UBAP1: variants seen among roughly 807,000 people sequenced by gnomAD.
UBAP1 encodes ubiquitin associated protein 1, also known as ubiquitin-associated protein 1.
UBAP1 carries 5 observed loss-of-function variants against 39.0 expected under a neutral mutation model. That is an observed-to-expected ratio of 0.13 (90% CI 0.07 to 0.27). UBAP1 has a LOEUF of 0.27. Among genes scored for constraint, UBAP1 ranks in the 10% least tolerant of loss-of-function variants. The probability of loss-of-function intolerance (pLI) is 1.00; values close to 1 mark genes in which losing one functional copy is unlikely to be tolerated. For synonymous variants in UBAP1, 211 were observed against 225.1 expected (o/e 0.94, Z 0.56); for missense variants, 490 against 608.1 (o/e 0.81, Z 2.04).
At chr9:34,201,062 C>T (rs1007329732) in intron 1 of UBAP1, among the ~76,000 whole-genome samples, 5 of 151,954 alleles carry the variant, frequency 3.3e-5, no homozygotes, top group South Asian at 2.1e-4. Context: ...TACAGGCATG[C>T]GCCACCATGC....
chr9:34,188,728 G>A (rs978256628), intron 1 of UBAP1, among the ~76,000 whole-genome samples: 8 of 152,034 alleles, frequency 5.3e-5, no homozygotes, highest in East Asian at 1.9e-4. Context: ...AGGCTGAGGC[G>A]TGTGGATCAC....
intron 4 of UBAP1, among the ~76,000 whole-genome samples, chr9:34,246,454 AAATTCTAATGGACTTC>A (rs1244776581): frequency 4.6e-5 from 7 of 152,224 alleles, no homozygotes; most frequent in Non-Finnish European, 1.0e-4. Context: ...CTCCCTTTGA[AAATTCTAATGGACTTC>A]AATTTATTCC....
chr9:34,231,070 T>G (rs2131601270), intron 2 of UBAP1, among the ~76,000 whole-genome samples: 1 of 150,290 alleles, frequency 6.7e-6, no homozygotes, highest in South Asian at 2.1e-4. Flanking sequence ...AAGGATGCAG[T>G]GAGCCATGAT....
chr9:34,198,636 T>G (rs907647096), intron 1 of UBAP1, among the ~76,000 whole-genome samples: 4 of 152,164 alleles, frequency 2.6e-5, no homozygotes, highest in Admixed American at 2.0e-4. Context: ...ATTGTCATGA[T>G]TTGCATACTG....
intron 1 of UBAP1, among the ~76,000 whole-genome samples, chr9:34,199,897 C>T (rs1275820126): frequency 2.0e-5 from 3 of 150,870 alleles, no homozygotes; most frequent in South Asian, 2.1e-4. Context: ...CCTTCTGCCT[C>T]GGCCTTGCAA....
chr9:34,189,655 A>T (rs1349282060), intron 1 of UBAP1, among the ~76,000 whole-genome samples: 1 of 152,000 alleles, frequency 6.6e-6, no homozygotes, highest in Non-Finnish European at 1.5e-5. Flanking sequence ...TTATTTTTTG[A>T]GACGGAGTTT....
At chr9:34,226,218 AC>A (rs1320440132) in intron 2 of UBAP1, among the ~76,000 whole-genome samples, 1 of 127,626 alleles carries the variant, frequency 7.8e-6, no homozygotes, top group African/African-American at 3.0e-5. Flanking sequence ...ACATAGAAAA[AC>A]CCCGTTTCTT....
intron 1 of UBAP1, among the ~76,000 whole-genome samples, chr9:34,179,578 G>C (rs1265131986): frequency 6.6e-6 from 1 of 152,078 alleles, no homozygotes; most frequent in Admixed American, 6.6e-5. Context: ...TGTCAGGGAG[G>C]GGGACCCAGA....
intron 2 of UBAP1, chr9:34,224,144 G>T: frequency 4.2e-6 from 3 of 722,030 alleles, no homozygotes; most frequent in Non-Finnish European, 6.5e-6. Flanking sequence ...GCTGATTTTG[G>T]CCTTTTTTTT....
intron 1 of UBAP1, among the ~76,000 whole-genome samples, chr9:34,186,309 A>C (rs1238088587): frequency 6.6e-6 from 1 of 152,196 alleles, no homozygotes; most frequent in Non-Finnish European, 1.5e-5. Context: ...TTGCTGAGTC[A>C]GATTGGATCC....
intron 2 of UBAP1, 140 bp downstream of exon 2, chr9:34,221,088 G>A (rs766995152): frequency 1.4e-6 from 1 of 712,938 alleles, no homozygotes; most frequent in Non-Finnish European, 2.4e-6. Flanking sequence ...GTACAACAAT[G>A]TATCAAGTAT....
chr9:34,226,460 C>G (rs1014892923), intron 2 of UBAP1, among the ~76,000 whole-genome samples: 1 of 152,090 alleles, frequency 6.6e-6, no homozygotes, highest in Non-Finnish European at 1.5e-5. Flanking sequence ...TGGTTTTGAA[C>G]TCTTGACCTC....
intron 1 of UBAP1, among the ~76,000 whole-genome samples, chr9:34,194,790 T>G (rs915859941): frequency 6.6e-6 from 1 of 152,230 alleles, no homozygotes; most frequent in Non-Finnish European, 1.5e-5. Flanking sequence ...TAGTTACTAT[T>G]ATCTCTATTT....
intron 2 of UBAP1, among the ~76,000 whole-genome samples, chr9:34,233,334 G>A (rs1363648789): frequency 6.6e-6 from 1 of 151,148 alleles, no homozygotes; most frequent in African/African-American, 2.4e-5. Flanking sequence ...CGATTCTCCT[G>A]CCTTAGCCTC....
rs535305530 is a variant in UBAP1, at chr9:34,247,883, A to G, written c.1084-1896A>G. On this transcript the variant is annotated intron_variant, in intron 4 of 6. Transcript: ENST00000297661. ...CTATACATAAATATTGGTTTGCATT[A>G]TTATTATTTCTTCAGACTAGTTTCC... Among the ~76,000 whole-genome samples the G allele has an allele frequency of 2.0e-5, 3 of 152,284 alleles. No individual in the cohort carries two copies. In the East Asian group the frequency reaches 5.8e-4, roughly 29 times the overall value.
chr9:34,245,940 T>G (rs1306475256), intron 4 of UBAP1, among the ~76,000 whole-genome samples: 1 of 151,988 alleles, frequency 6.6e-6, no homozygotes, highest in African/African-American at 2.4e-5. Flanking sequence ...GAGGATTGCT[T>G]GAGCCCAGGA....
intron 1 of UBAP1, among the ~76,000 whole-genome samples, chr9:34,182,667 C>CT (rs1289284341): frequency 1.8e-5 from 1 of 55,570 alleles, no homozygotes; most frequent in Admixed American, 2.3e-4. Flanking sequence ...TTCTTTCTTT[C>CT]TTTCTTTCTT....
At chr9:34,196,441 G>A (rs984223182) in intron 1 of UBAP1, among the ~76,000 whole-genome samples, 1 of 151,064 alleles carries the variant, frequency 6.6e-6, no homozygotes, top group Non-Finnish European at 1.5e-5. Flanking sequence ...TCAGCCTCCC[G>A]AGTAGCTGGG....
chr9:34,248,361 G>A (rs1834286083), intron 4 of UBAP1, among the ~76,000 whole-genome samples: 1 of 152,170 alleles, frequency 6.6e-6, no homozygotes, highest in South Asian at 2.1e-4. Flanking sequence ...CATTTGTAAT[G>A]TGCAGTATTC....
Sources: gnomAD v4.1 joint callset for allele counts (sites outside exome capture counted in the v4.1 genomes callset) on GRCh38, gnomAD v4.1.1 for gene constraint, MANE v1.5 for transcripts, NCBI Gene and HGNC (gene_info 2026-07-23, HGNC 2026-07-21) for gene names.